Variants in LIN28B observed in about 807,000 individuals in gnomAD.
LIN28B encodes the protein lin-28 RNA binding posttranscriptional regulator B, also known as protein lin-28 homolog B.
LIN28B carries 5 observed loss-of-function variants against 21.9 expected under a neutral mutation model. The observed-to-expected ratio is 0.23, with a 90% CI of 0.12 to 0.48. LIN28B has a LOEUF of 0.48. Among genes scored for constraint, LIN28B ranks in the 20% least tolerant of loss-of-function variants. The pLI, the probability that LIN28B is intolerant of heterozygous loss-of-function variation, is 0.98. For synonymous variants in LIN28B, 109 were observed against 111.3 expected (o/e 0.98, Z 0.13); for missense variants, 245 against 310.5 (o/e 0.79, Z 1.58).
intron 2 of LIN28B, among the ~76,000 whole-genome samples, chr6:104,975,554 GTATTGTAGTAAT>G (rs1200328203): frequency 1.3e-5 from 2 of 152,184 alleles, no homozygotes; most frequent in African/African-American, 4.8e-5. Context: ...ACTATAGACA[GTATTGTAGTAAT>G]TATGAAAATT....
chr6:104,974,706 A>G (rs1438818744), intron 2 of LIN28B, among the ~76,000 whole-genome samples: 2 of 151,966 alleles, frequency 1.3e-5, no homozygotes, highest in East Asian at 1.9e-4. Context: ...AAACTTACAC[A>G]GTATGGTTAT....
At chr6:104,939,130 G>A (rs1041142269) in intron 2 of LIN28B, among the ~76,000 whole-genome samples, 4 of 152,112 alleles carry the variant, frequency 2.6e-5, no homozygotes, top group African/African-American at 9.7e-5. Flanking sequence ...ATGCTTTAAA[G>A]TCAAAGCATA....
chr6:105,055,155 G>A (rs191122757), intron 3 of LIN28B, among the ~76,000 whole-genome samples: 21 of 151,996 alleles, frequency 1.4e-4, no homozygotes, highest in East Asian at 3.9e-4. Context: ...ATTGTGTTTC[G>A]GTTTCTCTGA....
chr6:105,077,071 A>C (rs1772441417), intron 3 of LIN28B, among the ~76,000 whole-genome samples: 1 of 151,948 alleles, frequency 6.6e-6, no homozygotes, highest in Admixed American at 6.6e-5. Flanking sequence ...CTCTACCAAA[A>C]ATACAAAAAT....
At chr6:104,943,095 T>C (rs1778115910) in intron 2 of LIN28B, among the ~76,000 whole-genome samples, 1 of 152,162 alleles carries the variant, frequency 6.6e-6, no homozygotes. Flanking sequence ...TTATACTTTG[T>C]AAGGGAAGCA....
chr6:104,953,317 G>C (rs534152291), upstream of LIN28B, among the ~76,000 whole-genome samples: 81 of 152,280 alleles, frequency 5.3e-4, 1 homozygote, highest in African/African-American at 1.8e-3. Context: ...GGCCCGGTGG[G>C]GGTGGGGGTG....
intron 2 of LIN28B, 146 bp downstream of exon 2, chr6:104,958,432 T>A: frequency 1.7e-6 from 1 of 571,974 alleles, no homozygotes; most frequent in Non-Finnish European, 2.9e-6. Flanking sequence ...GTCCAACGTT[T>A]AGGGTACGTG....
At chr6:105,038,724 A>G (rs1296711964) in intron 3 of LIN28B, among the ~76,000 whole-genome samples, 2 of 152,206 alleles carry the variant, frequency 1.3e-5, no homozygotes, top group African/African-American at 2.4e-5. Context: ...AGTGCATGTA[A>G]TTGATAAATA....
In LIN28B at chr6:104,978,724, T is replaced by G. The variant is rs576260919; in HGVS notation, c.198+20438T>G. Among the ~76,000 whole-genome samples the G allele has an allele frequency of 2.6e-5, 4 of 152,240 alleles. No individual in the cohort carries two copies. The East Asian group carries it at 7.7e-4, about 29-fold the overall frequency. On this transcript the variant is annotated intron_variant, in intron 2 of 3. Transcript: ENST00000345080. ...ATTTAATGGAATAAAAGACAGAAAT[T>G]GGCACCAAAGATTTTTGTAGTGAAC...
At chr6:105,033,783 T>G (rs1771471023) in intron 3 of LIN28B, among the ~76,000 whole-genome samples, 1 of 151,850 alleles carries the variant, frequency 6.6e-6, no homozygotes, top group African/African-American at 2.4e-5. Flanking sequence ...TTGTTCTCTT[T>G]AAAAACATGA....
chr6:104,940,206 C>T, intron 2 of LIN28B: 2 of 169,186 alleles, frequency 1.2e-5, no homozygotes. Flanking sequence ...GAATGATGTC[C>T]AGGGCATCTG....
At chr6:104,991,946 C>G (rs1032327384) in intron 2 of LIN28B, among the ~76,000 whole-genome samples, 1 of 136,292 alleles carries the variant, frequency 7.3e-6, no homozygotes, top group African/African-American at 2.8e-5. Context: ...TTGCAGTGAG[C>G]GGAGATGGCA....
chr6:104,949,199 ATAAT>A (rs905487059), intron 2 of LIN28B, among the ~76,000 whole-genome samples: 6 of 152,232 alleles, frequency 3.9e-5, no homozygotes, highest in African/African-American at 1.4e-4. Flanking sequence ...TTTATGTACA[ATAAT>A]TAAATATACT....
chr6:105,068,851 A>G (rs1476343389), intron 3 of LIN28B, among the ~76,000 whole-genome samples: 1 of 152,254 alleles, frequency 6.6e-6, no homozygotes, highest in Non-Finnish European at 1.5e-5. Flanking sequence ...GAAAAATAAC[A>G]TACTTAATCA....
rs533918340 is a variant in LIN28B at position 105,011,865 on chromosome 6, CAAAT to C, written c.199-14429_199-14426del. 2.6e-3 allele frequency among the ~76,000 whole-genome samples: 388 copies of C among 151,366 alleles called. 5 individuals carry two copies. Among genetic ancestry groups the C allele is most frequent in the African/African-American group, 9.1e-3 (376 of 41,292 alleles). On this transcript the variant is annotated intron_variant, in intron 2 of 3. Coordinates refer to ENST00000345080, the MANE Select transcript of LIN28B (RefSeq NM_001004317.4). ...GTCTCTCCAAAAAAATAAAAATAAA[CAAAT>C]AAACTGCCGGCCAGGTGTGGTGTCT...
intron 3 of LIN28B, among the ~76,000 whole-genome samples, chr6:105,037,197 T>C (rs1184151381): frequency 2.0e-5 from 3 of 151,662 alleles, no homozygotes; most frequent in Non-Finnish European, 4.4e-5. Flanking sequence ...TTCCACTGAA[T>C]TTGTTACTTG....
At chr6:104,982,175 G>A (rs550962750) in intron 2 of LIN28B, among the ~76,000 whole-genome samples, 4 of 152,098 alleles carry the variant, frequency 2.6e-5, no homozygotes, top group East Asian at 1.9e-4. Flanking sequence ...CTTGCTGGGC[G>A]TGATGGCATA....
chr6:105,014,073 CTACCAACTT>C (rs1770978893), intron 2 of LIN28B, among the ~76,000 whole-genome samples: 1 of 152,086 alleles, frequency 6.6e-6, no homozygotes, highest in Admixed American at 6.6e-5. Context: ...TTATTTTCTT[CTACCAACTT>C]TGAGTTTCCT....
intron 2 of LIN28B, among the ~76,000 whole-genome samples, chr6:105,018,933 C>CTTTCT (rs777202068): frequency 1.5e-4 from 22 of 151,512 alleles, no homozygotes; most frequent in East Asian, 7.8e-4. Context: ...TTATCTTGGT[C>CTTTCT]TTTCTTTTCT....
Sources: gnomAD v4.1 joint callset for allele counts (sites outside exome capture counted in the v4.1 genomes callset) on GRCh38, gnomAD v4.1.1 for gene constraint, MANE v1.5 for transcripts, NCBI Gene and HGNC (gene_info 2026-07-23, HGNC 2026-07-21) for gene names.